CDH13: variants seen among roughly 807,000 people sequenced by gnomAD.
CDH13 encodes the protein cadherin 13, also known as cadherin-13.
CDH13 carries 24 observed loss-of-function variants against 63.8 expected under a neutral mutation model. That is an observed-to-expected ratio of 0.38 (90% CI 0.27 to 0.53). The LOEUF (loss-of-function observed/expected upper bound fraction) is 0.53, where lower values mean the gene tolerates loss of function less well. CDH13 is among the 20% of genes least tolerant of loss of function. The pLI is 0.85. For synonymous variants in CDH13, 503 were observed against 355.3 expected, an observed-to-expected ratio of 1.42 and a Z score of -4.67; for missense variants, 1,049 against 903.1, an observed-to-expected ratio of 1.16 and a Z score of -2.07.
At chr16:83,333,045 T>C (rs1416775953) in intron 5 of CDH13, among the ~76,000 whole-genome samples, 1 of 152,178 alleles carries the variant, frequency 6.6e-6, no homozygotes, top group Non-Finnish European at 1.5e-5. Flanking sequence ...AGGAAACTTT[T>C]ATCGCCCCTT....
intron 2 of CDH13, among the ~76,000 whole-genome samples, chr16:82,948,791 C>A (rs1170143085): frequency 6.6e-6 from 1 of 152,116 alleles, no homozygotes; most frequent in Non-Finnish European, 1.5e-5. Flanking sequence ...TATAACTAAT[C>A]TTCCTGGTTT....
At chr16:83,058,192 C>A (rs1348847884) in intron 3 of CDH13, among the ~76,000 whole-genome samples, 1 of 152,076 alleles carries the variant, frequency 6.6e-6, no homozygotes, top group East Asian at 1.9e-4. Flanking sequence ...GTGACCTTAG[C>A]CCCTCTCCTT....
chr16:83,725,639 A>G (rs1910299169), intron 10 of CDH13: 1 of 152,236 alleles, frequency 6.6e-6, no homozygotes. Context: ...AACGTTAAAC[A>G]ACCAAAAACA....
intron 1 of CDH13, among the ~76,000 whole-genome samples, chr16:82,725,795 A>C (rs1021707772): frequency 7.2e-5 from 11 of 152,206 alleles, no homozygotes; most frequent in African/African-American, 2.7e-4. Flanking sequence ...ATATGATAGC[A>C]AGACTTACTT....
chr16:82,737,545 A>C (rs138985090), intron 1 of CDH13, among the ~76,000 whole-genome samples: 1 of 152,350 alleles, frequency 6.6e-6, no homozygotes, highest in Non-Finnish European at 1.5e-5. Context: ...CACTGCCCCA[A>C]CGGTCTTGCA....
intron 4 of CDH13, among the ~76,000 whole-genome samples, chr16:83,149,251 T>G (rs6565141): frequency 0.068 from 10,419 of 152,276 alleles, 1,163 homozygotes; most frequent in African/African-American, 0.24. Flanking sequence ...TGGTGAGACT[T>G]TCTCCCTGCT....
chr16:83,278,461 C>T (rs146840887), intron 5 of CDH13, among the ~76,000 whole-genome samples: 104 of 152,272 alleles, frequency 6.8e-4, no homozygotes, highest in African/African-American at 2.3e-3. Context: ...CGTGCAAAGC[C>T]AAGCCCTGAC....
At chr16:82,998,135 G>A (rs757859719) in intron 2 of CDH13, among the ~76,000 whole-genome samples, 20 of 152,224 alleles carry the variant, frequency 1.3e-4, no homozygotes, top group Admixed American at 5.2e-4. Flanking sequence ...AGCCATCCAC[G>A]TTTGTCTCTT....
At chr16:82,767,139 ATTGT>A (rs576843307) in intron 1 of CDH13, among the ~76,000 whole-genome samples, 109 of 152,210 alleles carry the variant, frequency 7.2e-4, no homozygotes, top group Non-Finnish European at 1.4e-3. Context: ...TTGCTTACAT[ATTGT>A]TTCTCTTTTG....
chr16:82,944,497 G>A (rs551889032), intron 2 of CDH13, among the ~76,000 whole-genome samples: 1 of 152,258 alleles, frequency 6.6e-6, no homozygotes, highest in South Asian at 2.1e-4. Context: ...GCTTCCCAGG[G>A]AACATTTGGC....
In CDH13 at chr16:83,235,533, C is replaced by T. The variant is rs531245596; in HGVS notation, c.636+18036C>T. 5.3e-5 allele frequency among the ~76,000 whole-genome samples: 8 copies of T among 151,204 alleles called. No individual in the cohort carries two copies. The East Asian group carries it at 1.4e-3, about 26-fold the overall frequency. On this transcript the variant is annotated intron_variant, in intron 5 of 13. Transcript: ENST00000567109. Reference sequence around the variant, plus strand: ...AAAATCTGAGAAATGACCAGTAACACGGTTCTAGAGGAATTTGCCAATGCT... The same window carrying T: ...AAAATCTGAGAAATGACCAGTAACATGGTTCTAGAGGAATTTGCCAATGCT...
intron 3 of CDH13, among the ~76,000 whole-genome samples, chr16:83,065,990 T>C (rs546843877): frequency 1.2e-4 from 19 of 152,340 alleles, no homozygotes; most frequent in Non-Finnish European, 1.8e-4. Context: ...AACAACCACC[T>C]TCACTCCTGT....
At chr16:83,731,135 G>A (rs962657336) in intron 10 of CDH13, among the ~76,000 whole-genome samples, 1 of 152,204 alleles carries the variant, frequency 6.6e-6, no homozygotes, top group African/African-American at 2.4e-5. Flanking sequence ...ACAAGTGCAT[G>A]TGTCTTTTTG....
intron 10 of CDH13, among the ~76,000 whole-genome samples, chr16:83,729,854 C>T (rs557924791): frequency 1.3e-5 from 2 of 152,266 alleles, no homozygotes; most frequent in South Asian, 2.1e-4. Context: ...AGCAGCAAAT[C>T]TGTTTGGGAT....
chr16:83,137,895 A>G (rs12445151), intron 4 of CDH13, among the ~76,000 whole-genome samples: 5,017 of 152,002 alleles, frequency 0.033, 171 homozygotes, highest in South Asian at 0.081. Context: ...GAGGGGAGGA[A>G]TGAATGAAGA....
intron 4 of CDH13, among the ~76,000 whole-genome samples, chr16:83,154,669 T>C (rs2037132527): frequency 6.6e-6 from 1 of 152,098 alleles, no homozygotes; most frequent in South Asian, 2.1e-4. Flanking sequence ...GATAAAACAT[T>C]GACTAAGCAA....
At chr16:83,580,326 G>A (rs1905445925) in intron 7 of CDH13, among the ~76,000 whole-genome samples, 1 of 152,114 alleles carries the variant, frequency 6.6e-6, no homozygotes, top group Admixed American at 6.5e-5. Flanking sequence ...GAAGACAGGT[G>A]TGAGCAAATT....
rs148160968 is a variant in CDH13 at position 82,977,493 on chromosome 16, T to C, written c.158-54517T>C. Among the ~76,000 whole-genome samples, 13 of 152,294 alleles carry C rather than the reference T, an allele frequency of 8.5e-5. No homozygotes were observed. In the East Asian group the frequency reaches 1.4e-3, roughly 16 times the overall value. The stretch of plus-strand genomic sequence containing the variant: ...ATGAGTGAGTTCTCACGAGATGTGA[T>C]GGTTTTATATGGGGCTTTTCCCCCT... On this transcript the variant is annotated intron_variant, in intron 2 of 13. Transcript: ENST00000567109.
rs1904300666 is a variant in CDH13 at position 83,799,236 on chromosome 16, C to T, written c.*4206C>T. On this transcript the variant is annotated 3_prime_UTR_variant, in exon 14 of 14. Coordinates refer to ENST00000567109, the MANE Select transcript of CDH13 (RefSeq NM_001257.5). ...GCTGAGGCAGGAGAATCGCTTGAAC[C>T]CAGGAGGCAGAGTTTGCAGTGAGCC... The T allele has an allele frequency of 6.6e-6, 1 of 151,102 alleles. No individual in the cohort carries two copies. The highest frequency in any genetic ancestry group is 1.5e-5 in the Non-Finnish European group (1 of 67,930). The allele number at this position is 151,102 out of a possible 1,614,324, so 9.4% of individuals were successfully genotyped here.
Sources: gnomAD v4.1 joint callset for allele counts (sites outside exome capture counted in the v4.1 genomes callset) on GRCh38, gnomAD v4.1.1 for gene constraint, MANE v1.5 for transcripts, NCBI Gene and HGNC (gene_info 2026-07-23, HGNC 2026-07-21) for gene names.